The following ACIN1 variants were observed in gnomAD, a reference collection of about 807,000 sequenced individuals.
ACIN1 encodes apoptotic chromatin condensation inducer in the nucleus.
In ACIN1, 16 loss-of-function variants were observed where a neutral mutation model predicts 146.6. The observed-to-expected ratio is 0.11, with a 90% CI of 0.07 to 0.17. The LOEUF is 0.17. Among genes scored for constraint, ACIN1 ranks in the 10% least tolerant of loss-of-function variants. The pLI, the probability that ACIN1 is intolerant of heterozygous loss-of-function variation, is 1.00. For synonymous variants in ACIN1, 569 were observed against 582.7 expected (o/e 0.98, Z 0.34); for missense variants, 1,357 against 1,609.3 (o/e 0.84, Z 2.68).
Position 23,063,552 on chromosome 14 carries a change from T to C in ACIN1, c.2621A>G (p.Asn874Ser). 6.2e-7 allele frequency: 1 copy of C among 1,614,208 alleles called. No individual in the cohort carries two copies. The highest frequency in any genetic ancestry group is 8.5e-7 in the Non-Finnish European group (1 of 1,180,040). Residue 874 changes from asparagine to serine, a missense_variant, in exon 13 of 19, where the codon AAT (asparagine) becomes AGT (serine). This residue lies in a region of ACIN1 where 509 missense variants were observed against 719.6 expected (regional missense o/e 0.71). Transcript: ENST00000605057. ...TQVVPAEGQE[N>S]GQREEEEEEK... ...TTCTTCCTCTTCTTCCCTCTGCCCA[T>C]TCTCCTGGCCCTCTGCAGGTACTAC... is the stretch of plus-strand genomic sequence containing the variant.
chr14:23,069,641 T>TGGGGGGGGGGGTGGGGGGGG, intron 8 of ACIN1, 24 bp from the exon 9 acceptor site: 1 of 309,214 alleles, frequency 3.2e-6, no homozygotes. Flanking sequence ...GGAGTGGTGG[T>TGGGGGGGGGGGTGGGGGGGG]GGGGGGGCGG....
At chr14:23,091,408 C>T (rs545947909) in intron 2 of ACIN1, among the ~76,000 whole-genome samples, 1 of 151,928 alleles carries the variant, frequency 6.6e-6, no homozygotes, top group Non-Finnish European at 1.5e-5. Context: ...AGATCAGTCT[C>T]AGCAACATGG....
In ACIN1 at chr14:23,068,982, T is replaced by C; in HGVS notation, c.2265+494A>G. 1 of 973,982 alleles carries C rather than the reference T, an allele frequency of 1.0e-6. No homozygotes were observed. Among genetic ancestry groups the C allele is most frequent in the Non-Finnish European group, 1.2e-6 (1 of 829,894 alleles). 60.3% of individuals were successfully genotyped at this position (973,982 alleles called of 1,614,324 possible). ...GAGAATGGGCCTTCCGGATCACAAG[T>C]GCTGGCTTCTAAGTAGCTACATCTC... On this transcript the variant is annotated intron_variant, in intron 9 of 18. Coordinates refer to ENST00000605057, the MANE Select transcript of ACIN1 (RefSeq NM_001386863.1). The surrounding 1 kb of genome is among the most constrained non-coding windows in gnomAD (Gnocchi z 4.3).
chr14:23,071,612 G>A, intron 8 of ACIN1: 2 of 1,498,092 alleles, frequency 1.3e-6, no homozygotes, highest in Non-Finnish European at 1.8e-6. Flanking sequence ...TGCTGCAGCA[G>A]GGGAGGGGAA....
chr14:23,061,077 C>T lies in ACIN1; in HGVS notation c.3525+7G>A. The T allele has an allele frequency of 6.2e-7, 1 of 1,613,498 alleles. No individual in the cohort carries two copies. Among genetic ancestry groups the T allele is most frequent in the Non-Finnish European group, 8.5e-7 (1 of 1,179,818 alleles). On this transcript the variant is annotated splice_region_variant and intron_variant, in intron 18 of 18. Transcript: ENST00000605057. ...CTAGGGAGCAGGGCACGAAGAAGAGCACTCACCTGGCTGTCAGTCAGTGGG... is the reference window on the plus strand; with the variant it reads ...CTAGGGAGCAGGGCACGAAGAAGAGTACTCACCTGGCTGTCAGTCAGTGGG...
chr14:23,060,407 A>T (rs552159133), intron 18 of ACIN1, among the ~76,000 whole-genome samples: 2 of 152,356 alleles, frequency 1.3e-5, no homozygotes, highest in Admixed American at 1.3e-4. Flanking sequence ...AAATTCCCAA[A>T]AGGCCCATTA....
intron 2 of ACIN1, 65 bp from the exon 3 acceptor site, chr14:23,090,698 T>C: frequency 1.5e-6 from 2 of 1,295,442 alleles, no homozygotes; most frequent in South Asian, 1.3e-5. Flanking sequence ...AAGAAGAACA[T>C]TCCATGGAGC....
rs187346352 is a variant in ACIN1 at position 23,082,136 on chromosome 14, C to G, written c.437-300G>C. Among the ~76,000 whole-genome samples the G allele has an allele frequency of 9.5e-4, 144 of 152,242 alleles. 1 individual carries two copies. The highest frequency in any genetic ancestry group is 3.3e-3 in the African/African-American group (135 of 41,530). On this transcript the variant is annotated intron_variant, in intron 4 of 18. Transcript: ENST00000605057. ...ATAATTTCCAGGGGCTTCAAACTGT[C>G]TAGCAGGGATGTACAAATATGAAGT...
intron 6 of ACIN1, among the ~76,000 whole-genome samples, 176 bp downstream of exon 6, chr14:23,079,371 G>A (rs758597617): frequency 6.6e-6 from 1 of 152,088 alleles, no homozygotes; most frequent in Non-Finnish European, 1.5e-5. Context: ...ACCCCATTTC[G>A]GGAATCAGTT....
chr14:23,071,794 G>A (rs984766793), intron 8 of ACIN1, among the ~76,000 whole-genome samples: 2 of 152,190 alleles, frequency 1.3e-5, no homozygotes, highest in African/African-American at 4.8e-5. Context: ...GGGCAGGGGA[G>A]GGGGCTGGGT....
chr14:23,079,967 G>C lies in ACIN1; in HGVS notation c.1368C>G (p.Ala456=). The change falls in exon 6 of 19, where the codon GCC becomes GCG. Residue 456 remains alanine (A), a synonymous_variant. Transcript: ENST00000605057. The part of the protein sequence containing the change: ...VQKSTLADYS[A]QKDLEPESDR... Reference sequence around the variant, plus strand: ...CTGACTCAGGTTCAAGATCCTTCTGGGCTGAGTAGTCAGCCAGTGTGCTTT... The same window carrying C: ...CTGACTCAGGTTCAAGATCCTTCTGCGCTGAGTAGTCAGCCAGTGTGCTTT... The C allele has an allele frequency of 1.2e-6, 2 of 1,614,066 alleles. No individual in the cohort carries two copies. The highest frequency in any genetic ancestry group is 1.7e-6 in the Non-Finnish European group (2 of 1,180,038).
At position 23,068,900 on chromosome 14, in the gene ACIN1, G is replaced by C. The variant is rs2047539819; in HGVS notation, c.2265+576C>G. 1.0e-6 allele frequency: 1 copy of C among 985,350 alleles called. No individual in the cohort carries two copies. Among genetic ancestry groups the C allele is most frequent in the African/African-American group, 1.7e-5 (1 of 57,222 alleles). The allele number at this position is 985,350 out of a possible 1,614,324, so 61.0% of individuals were successfully genotyped here. A position where few individuals can be genotyped will look rare whatever the true frequency, so the allele number is the denominator to read the frequency against. ...TGATGGGGGAAGCCCCCTGAAGTGGGTGCAGGACACAAGATAACATATGCC... is the reference window on the plus strand; with the variant it reads ...TGATGGGGGAAGCCCCCTGAAGTGGCTGCAGGACACAAGATAACATATGCC... On this transcript the variant is annotated intron_variant, in intron 9 of 18. Transcript: ENST00000605057. This position sits in a 1 kb window ranked among gnomAD's most constrained non-coding sequence, Gnocchi z 4.3.
intron 4 of ACIN1, among the ~76,000 whole-genome samples, chr14:23,082,437 A>ATTTTTTTTTT (rs11378976): frequency 1.0e-5 from 1 of 95,818 alleles, no homozygotes; most frequent in African/African-American, 4.0e-5. Flanking sequence ...AGAGCTCAAT[A>ATTTTTTTTTT]TTTTTTTTTT....
chr14:23,090,718 C>T (rs746971294), intron 2 of ACIN1, 85 bp from the exon 3 acceptor site: 2 of 1,038,560 alleles, frequency 1.9e-6, no homozygotes, highest in Non-Finnish European at 1.4e-6. Context: ...CAAAGGTCCA[C>T]TCCTTATAGT....
chr14:23,090,890 T>C (rs768329322), intron 2 of ACIN1, among the ~76,000 whole-genome samples: 6 of 152,196 alleles, frequency 3.9e-5, no homozygotes, highest in Non-Finnish European at 7.4e-5. Context: ...GTGATACTGG[T>C]ATACAAATTA....
intron 16 of ACIN1, 127 bp from the exon 17 acceptor site, chr14:23,061,749 A>G (rs995570065): frequency 3.7e-5 from 29 of 786,150 alleles, no homozygotes; most frequent in South Asian, 1.5e-4. Flanking sequence ...CAAGGCGGTC[A>G]GATCACGAGG....
chr14:23,095,313 C>G (rs750870390), upstream of ACIN1: 27 of 1,565,956 alleles, frequency 1.7e-5, no homozygotes, highest in South Asian at 2.9e-4. Flanking sequence ...TTTCCATCCG[C>G]CCTGCAGCGC....
chr14:23,086,492 A>G (rs578167710), intron 4 of ACIN1, among the ~76,000 whole-genome samples: 4 of 152,338 alleles, frequency 2.6e-5, no homozygotes, highest in African/African-American at 4.8e-5. Flanking sequence ...TGATGGAGAC[A>G]TAAGAGGGAA....
chr14:23,094,778 T>C lies in ACIN1; in HGVS notation c.138+197A>G. The C allele has an allele frequency of 4.6e-6, 4 of 870,688 alleles. No homozygotes were observed. The South Asian group carries it at 7.1e-5, about 15-fold the overall frequency. The allele number at this position is 870,688 out of a possible 1,614,324, so 53.9% of individuals were successfully genotyped here. ...ACCCTCCCATTTGGGCTCGCGCTGC[T>C]GCCGTTAAGGCGGGAACCGGCGCGA... On this transcript the variant is annotated intron_variant, in intron 1 of 18. Coordinates refer to ENST00000605057, the MANE Select transcript of ACIN1 (RefSeq NM_001386863.1).
Sources: allele counts gnomAD v4.1 joint callset (sites outside exome capture counted in the v4.1 genomes callset), GRCh38; gene constraint gnomAD v4.1.1; regional missense constraint gnomAD v4.1.1; non-coding constraint Gnocchi (gnomAD v3.1); transcripts MANE v1.5; gene names NCBI Gene and HGNC (gene_info 2026-07-23, HGNC 2026-07-21).